STK39: variants seen among roughly 807,000 people sequenced by gnomAD.
STK39 encodes the protein STE20/SPS1-related proline-alanine-rich protein kinase.
In STK39, 20 loss-of-function variants were observed where a neutral mutation model predicts 77.8. The observed-to-expected ratio is 0.26, with a 90% CI of 0.18 to 0.37. STK39 has a LOEUF of 0.37. Among genes scored for constraint, STK39 ranks in the 10% least tolerant of loss-of-function variants. STK39 has a pLI of 1.00. For missense variants in STK39, 479 were observed against 656.5 expected (o/e 0.73, Z 2.95); for synonymous variants, 246 against 234.1 (o/e 1.05, Z -0.47).
chr2:167,981,421 G>A (rs1683414366), intron 16 of STK39, among the ~76,000 whole-genome samples: 1 of 152,186 alleles, frequency 6.6e-6, no homozygotes, highest in African/African-American at 2.4e-5. Context: ...TGATGGATTG[G>A]TTTGGATCAA....
At chr2:168,153,344 G>A (rs186889277) in intron 5 of STK39, among the ~76,000 whole-genome samples, 1 of 152,318 alleles carries the variant, frequency 6.6e-6, no homozygotes, top group Non-Finnish European at 1.5e-5. Flanking sequence ...GTAAGGGGGA[G>A]AGGTAAATAC....
At chr2:168,094,270 G>A (rs1396886262) in intron 10 of STK39, among the ~76,000 whole-genome samples, 1 of 152,190 alleles carries the variant, frequency 6.6e-6, no homozygotes, top group Non-Finnish European at 1.5e-5. Context: ...TCTTATCTCT[G>A]TAGCCTCGAC....
chr2:168,110,078 G>A (rs1435182739), intron 10 of STK39, among the ~76,000 whole-genome samples: 1 of 152,032 alleles, frequency 6.6e-6, no homozygotes, highest in Non-Finnish European at 1.5e-5. Flanking sequence ...TTTATAGATA[G>A]ACCCTTTGAC....
At chr2:168,163,467 T>A (rs1341234709) in intron 4 of STK39, among the ~76,000 whole-genome samples, 1 of 152,244 alleles carries the variant, frequency 6.6e-6, no homozygotes, top group African/African-American at 2.4e-5. Context: ...GATACCAATA[T>A]AATTCATCAA....
Position 167,989,598 on chromosome 2 carries a change from C to G in STK39, c.1498+23036G>C, listed in dbSNP as rs554523018. Among the ~76,000 whole-genome samples, 191 of 152,274 alleles carry G rather than the reference C, an allele frequency of 1.3e-3. 1 individual carries two copies. Among genetic ancestry groups the G allele is most frequent in the Middle Eastern group, 3.4e-3 (1 of 294 alleles). ...GGGTGATAGAGTTAGCAGGGCCAAG[C>G]TGATGACTTCAACTCTAAATGCAGA... On this transcript the variant is annotated intron_variant, in intron 16 of 17. Coordinates refer to ENST00000355999, the MANE Select transcript of STK39 (RefSeq NM_013233.3).
chr2:168,228,473 T>C (rs1690364083), intron 1 of STK39, among the ~76,000 whole-genome samples: 1 of 152,156 alleles, frequency 6.6e-6, no homozygotes, highest in Non-Finnish European at 1.5e-5. Context: ...TGACCTTATA[T>C]TATTGTTTGT....
At chr2:168,077,536 T>C (rs1264093644) in intron 10 of STK39, among the ~76,000 whole-genome samples, 3 of 152,136 alleles carry the variant, frequency 2.0e-5, no homozygotes, top group Admixed American at 2.0e-4. Context: ...TAAACATTGG[T>C]TAAACAAATA....
chr2:168,072,008 T>C (rs1203119197), intron 12 of STK39, among the ~76,000 whole-genome samples: 31 of 152,088 alleles, frequency 2.0e-4, no homozygotes. Context: ...AATAGCAGCC[T>C]AAGTGCTCGC....
chr2:168,015,162 C>G (rs916316751), intron 15 of STK39, among the ~76,000 whole-genome samples: 1 of 152,118 alleles, frequency 6.6e-6, no homozygotes, highest in African/African-American at 2.4e-5. Flanking sequence ...GTTTAACATC[C>G]CTGGTGCCTA....
intron 16 of STK39, among the ~76,000 whole-genome samples, chr2:167,997,888 A>G (rs1683888037): frequency 6.6e-6 from 1 of 152,230 alleles, no homozygotes; most frequent in African/African-American, 2.4e-5. Context: ...GCCATGAGAC[A>G]CAGAAAAACC....
chr2:167,957,109 A>G (rs1301311529), intron 17 of STK39, among the ~76,000 whole-genome samples: 1 of 152,216 alleles, frequency 6.6e-6, no homozygotes, highest in African/African-American at 2.4e-5. Context: ...TTTCTATTAA[A>G]TAATCAGCTA....
chr2:168,202,863 G>A (rs745842502), intron 1 of STK39, among the ~76,000 whole-genome samples: 2 of 152,162 alleles, frequency 1.3e-5, no homozygotes, highest in Non-Finnish European at 2.9e-5. Flanking sequence ...TGGTAAGTGT[G>A]CATTTCCATT....
intron 5 of STK39, among the ~76,000 whole-genome samples, chr2:168,159,427 G>C (rs759442008): frequency 6.6e-5 from 10 of 152,014 alleles, no homozygotes; most frequent in Non-Finnish European, 1.3e-4. Flanking sequence ...AGAGACTCCT[G>C]GTCCTCATTT....
chr2:167,980,647 AC>A (rs1445270931), intron 16 of STK39, among the ~76,000 whole-genome samples: 9 of 152,172 alleles, frequency 5.9e-5, no homozygotes, highest in Middle Eastern at 6.8e-3. Context: ...AGGCTCTCTC[AC>A]ACATGTGGCC....
rs1477288860 is a variant in STK39, at chr2:168,163,824, C to T, written c.487G>A (p.Val163Ile). 1 of 1,613,988 alleles carries T rather than the reference C, an allele frequency of 6.2e-7. No homozygotes were observed. The highest frequency in any genetic ancestry group is 1.7e-5 in the Admixed American group (1 of 60,006). ...GTTGCTATTATTGCCTCTTCCAGAA[C>T]TCCATTCTTGTGTTCTCCTCGGTTG... is the stretch of plus-strand genomic sequence containing the variant. Reference protein sequence around the residue: ...IVNRGEHKNGVLEEAIIATIL... With the variant: ...IVNRGEHKNGILEEAIIATIL... The change falls in exon 4 of 18, where the codon GTT becomes ATT. Residue 163 changes from valine to isoleucine, a missense_variant. This residue lies in a region of STK39 where 139 missense variants were observed against 280.6 expected (regional missense o/e 0.50). Coordinates refer to ENST00000355999, the MANE Select transcript of STK39 (RefSeq NM_013233.3).
At chr2:168,072,076 GGGAAATAAAA>G (rs1436476647) in intron 12 of STK39, among the ~76,000 whole-genome samples, 12 of 151,850 alleles carry the variant, frequency 7.9e-5, no homozygotes, top group South Asian at 6.2e-4. Flanking sequence ...ACTATGTGCT[GGGAAATAAAA>G]AAGAGGCAGA....
At chr2:168,137,949 G>T in intron 8 of STK39, 139 bp downstream of exon 8, 1 of 1,192,642 alleles carries the variant, frequency 8.4e-7, no homozygotes, top group Non-Finnish European at 1.1e-6. Context: ...CTAACAGGTT[G>T]GAAATCTGGG....
intron 1 of STK39, among the ~76,000 whole-genome samples, chr2:168,239,154 T>TGCATCCCTGATCGTCTCCA (rs1690694709): frequency 6.6e-6 from 1 of 152,188 alleles, no homozygotes; most frequent in Non-Finnish European, 1.5e-5. Context: ...GTGTTTCACC[T>TGCATCCCTGATCGTCTCCA]GCATCCCTGA....
intron 1 of STK39, 28 bp downstream of exon 1, chr2:168,247,200 C>A: frequency 8.4e-7 from 1 of 1,183,752 alleles, no homozygotes; most frequent in Non-Finnish European, 1.0e-6. Context: ...CCGGCCTGTG[C>A]CGGCCCCGCC....
Sources: allele counts gnomAD v4.1 joint callset (sites outside exome capture counted in the v4.1 genomes callset), GRCh38; gene constraint gnomAD v4.1.1; regional missense constraint gnomAD v4.1.1; transcripts MANE v1.5; gene names NCBI Gene and HGNC (gene_info 2026-07-23, HGNC 2026-07-21).